The following WDR86 variants were observed in gnomAD, a reference collection of about 807,000 sequenced individuals.
WDR86 encodes the protein WD repeat-containing protein 86.
WDR86 carries 30 observed loss-of-function variants against 36.5 expected under a neutral mutation model. The observed-to-expected ratio is 0.82, with a 90% confidence interval of 0.61 to 1.11. The LOEUF is 1.11. Ranked by LOEUF, WDR86 falls within the 50% of genes most tolerant of loss-of-function variation. WDR86 has a pLI of 0.00. For synonymous variants in WDR86, 255 were observed against 252.9 expected (o/e 1.01, Z -0.08); for missense variants, 545 against 561.2 (o/e 0.97, Z 0.29).
the WDR86 span, among the ~76,000 whole-genome samples, chr7:151,369,541 G>A: frequency 6.6e-6 from 1 of 152,172 alleles, no homozygotes; most frequent in South Asian, 2.1e-4. Flanking sequence ...ATTATATTAT[G>A]AAAGCACAGG....
downstream of WDR86, among the ~76,000 whole-genome samples, chr7:151,380,500 CTG>C (rs990172737): frequency 2.6e-5 from 4 of 152,222 alleles, no homozygotes; most frequent in African/African-American, 7.2e-5. Context: ...ACGGCAGACA[CTG>C]TCACCTGCAG....
intron 2 of WDR86, among the ~76,000 whole-genome samples, chr7:151,397,543 C>T (rs1200680144): frequency 6.6e-6 from 1 of 152,014 alleles, no homozygotes; most frequent in African/African-American, 2.4e-5. Flanking sequence ...CCTGCCTCAG[C>T]CTCCCGAGTA....
the WDR86 span, among the ~76,000 whole-genome samples, chr7:151,369,897 C>T: frequency 1.9e-3 from 282 of 152,224 alleles, no homozygotes; most frequent in African/African-American, 6.5e-3. Context: ...AGGAAAGCCC[C>T]GTGGTTGTTT....
rs1800712042 is a variant in WDR86, at chr7:151,406,462, A to T, written c.163+2965T>A. 6.6e-6 allele frequency among the ~76,000 whole-genome samples: 1 copy of T among 152,144 alleles called. No individual in the cohort carries two copies. The highest frequency in any genetic ancestry group is 1.5e-5 in the Non-Finnish European group (1 of 68,008). ...GAGAAATCCAGGACCGGCCAACCAC[A>T]GGCTCTTGTGGGCCCAGAGCTGTGC... On this transcript the variant is annotated intron_variant, in intron 1 of 5. Coordinates refer to ENST00000334493, the MANE Select transcript of WDR86 (RefSeq NM_198285.3). The surrounding 1 kb of genome is among the most constrained non-coding windows in gnomAD (Gnocchi z 4.4).
In WDR86 at chr7:151,390,837, C is replaced by T. The variant is rs1047257354; in HGVS notation, c.726+4939G>A. Among the ~76,000 whole-genome samples, 5 of 152,202 alleles carry T rather than the reference C, an allele frequency of 3.3e-5. No homozygotes were observed. The highest frequency in any genetic ancestry group is 6.5e-5 in the Admixed American group (1 of 15,284). ...CTCCACTCATGTGAGGACCCAGAGT[C>T]ATCAAATTCAGAGACACAAAGCAGA... On this transcript the variant is annotated intron_variant, in intron 3 of 5. Coordinates refer to ENST00000334493, the MANE Select transcript of WDR86 (RefSeq NM_198285.3). This position sits in a 1 kb window ranked among gnomAD's most constrained non-coding sequence, Gnocchi z 4.5.
At chr7:151,402,091 A>ATATC (rs1365492180) in intron 1 of WDR86, among the ~76,000 whole-genome samples, 2 of 124,198 alleles carry the variant, frequency 1.6e-5, no homozygotes, top group African/African-American at 6.5e-5. Flanking sequence ...ATATATATAT[A>ATATC]TCTCCACAAA....
chr7:151,385,060 A>G lies in WDR86; in HGVS notation c.862+28T>C, dbSNP rs116467118. 3.6e-3 allele frequency: 5,562 copies of G among 1,565,022 alleles called. 184 individuals are homozygous for G. In the African/African-American group the frequency reaches 0.068, roughly 19 times the overall value. ...AGAGGAGAAGCCAGGCTGGGGTGGCACAGGTCGTGCAGGGCCAAGTCACTT... is the reference window on the plus strand; with the variant it reads ...AGAGGAGAAGCCAGGCTGGGGTGGCGCAGGTCGTGCAGGGCCAAGTCACTT... On this transcript the variant is annotated intron_variant, in intron 4 of 5. Transcript: ENST00000334493.
At chr7:151,393,862 G>A (rs1799615918) in intron 3 of WDR86, among the ~76,000 whole-genome samples, 2 of 152,166 alleles carry the variant, frequency 1.3e-5, no homozygotes. Flanking sequence ...GACAAGTAAG[G>A]ACACGGAGGG....
Position 151,394,322 on chromosome 7 carries a change from G to A in WDR86, c.726+1454C>T, listed in dbSNP as rs576868856. Among the ~76,000 whole-genome samples, 64 of 152,284 alleles carry A rather than the reference G, an allele frequency of 4.2e-4. 1 individual carries two copies. Among genetic ancestry groups the A allele is most frequent in the Non-Finnish European group, 6.3e-4 (43 of 68,014 alleles). On this transcript the variant is annotated intron_variant, in intron 3 of 5. Transcript: ENST00000334493. ...CCTGCTCCCCTGGTCTTGGAGCCCC[G>A]GGGCCGCCTCTACCCCTACAACCCC...
chr7:151,401,420 CCCT>C lies in WDR86; in HGVS notation c.164-1182_164-1180del, dbSNP rs1379895560. On this transcript the variant is annotated intron_variant, in intron 1 of 5. Coordinates refer to ENST00000334493, the MANE Select transcript of WDR86 (RefSeq NM_198285.3). The surrounding 1 kb of genome is among the most constrained non-coding windows in gnomAD (Gnocchi z 4.3). ...TCTTGCCTTCCTCCCTCCTCTCCTTCCCTCCTCATTTCTTTATCATCTCCTTTT... is the reference window on the plus strand; with the variant it reads ...TCTTGCCTTCCTCCCTCCTCTCCTTCCCTCATTTCTTTATCATCTCCTTTT... Among the ~76,000 whole-genome samples the C allele has an allele frequency of 5.3e-5, 8 of 152,210 alleles. No homozygotes were observed. The highest frequency in any genetic ancestry group is 4.1e-4 in the South Asian group (2 of 4,830).
At chr7:151,380,589 C>A (rs913621996), downstream of WDR86, among the ~76,000 whole-genome samples, 1 of 152,104 alleles carries the variant, frequency 6.6e-6, no homozygotes, top group Non-Finnish European at 1.5e-5. Flanking sequence ...AAGAGCACCC[C>A]GCTCAGGTGC....
At chr7:151,400,722 G>A (rs560950229) in intron 1 of WDR86, among the ~76,000 whole-genome samples, 10 of 152,336 alleles carry the variant, frequency 6.6e-5, no homozygotes, top group African/African-American at 2.4e-4. Context: ...CAGTCTGAGT[G>A]ATTCTCAGAA....
downstream of WDR86, among the ~76,000 whole-genome samples, chr7:151,371,845 A>G (rs192334436): frequency 1.4e-4 from 21 of 152,232 alleles, no homozygotes; most frequent in African/African-American, 2.4e-4. Flanking sequence ...CCGGGCTCCA[A>G]TGATCCTCCT....
Position 151,397,787 on chromosome 7 carries a change from C to T in WDR86, c.306-1591G>A, listed in dbSNP as rs1003699523. Among the ~76,000 whole-genome samples the T allele has an allele frequency of 1.5e-3, 71 of 46,012 alleles. 1 individual carries two copies. The highest frequency in any genetic ancestry group is 2.6e-3 in the African/African-American group (35 of 13,244). The allele number at this position is 46,012 out of a possible 152,430, so 30.2% of individuals were successfully genotyped here. A position where few individuals can be genotyped will look rare whatever the true frequency, so the allele number is the denominator to read the frequency against. ...GAAGAGGGCGTAGCAGGAGGAAGGGCATAGCGGGAGGAAGGGCATAGCGGG... is the reference window on the plus strand; with the variant it reads ...GAAGAGGGCGTAGCAGGAGGAAGGGTATAGCGGGAGGAAGGGCATAGCGGG... On this transcript the variant is annotated intron_variant, in intron 2 of 5. Coordinates refer to ENST00000334493, the MANE Select transcript of WDR86 (RefSeq NM_198285.3).
downstream of WDR86, among the ~76,000 whole-genome samples, chr7:151,375,655 T>C (rs1452959964): frequency 6.6e-6 from 1 of 152,240 alleles, no homozygotes; most frequent in Non-Finnish European, 1.5e-5. Context: ...GTCTTGCTCC[T>C]CCTTCAAACC....
downstream of WDR86, chr7:151,374,300 G>T: frequency 2.6e-6 from 4 of 1,539,656 alleles, no homozygotes; most frequent in Non-Finnish European, 3.5e-6. Context: ...CCTGCCCAGA[G>T]CTCCCTCCAT....
chr7:151,381,637 G>C lies in WDR86; in HGVS notation c.1076C>G (p.Ser359Trp). Residue 359 changes from serine (S) to tryptophan (W), a missense_variant, in exon 6 of 6, where the codon TCG (serine) becomes TGG (tryptophan). Physicochemically the swap from Ser to Trp is radical, Grantham distance 177. Transcript: ENST00000334493. This position sits in a 1 kb window ranked among gnomAD's most constrained non-coding sequence, Gnocchi z 4.8. ...GCCCACCTTGTTGCTGAAGAGCCGC[G>C]AGAGGCTGCGCATGGGCGGAGGGGG... Reference protein sequence around the residue: ...PRPPPPMRSLSRLFSNKVGCA... With the variant: ...PRPPPPMRSLWRLFSNKVGCA... 7.2e-7 allele frequency: 1 copy of C among 1,388,182 alleles called. No individual in the cohort carries two copies. 86.0% of individuals were successfully genotyped at this position (1,388,182 alleles called of 1,614,324 possible).
downstream of WDR86, chr7:151,376,528 G>A (rs1051561977): frequency 2.8e-5 from 31 of 1,089,506 alleles, 1 homozygote; most frequent in East Asian, 2.4e-4. Context: ...TGGTGCACAC[G>A]CCGGGAGCTC....
chr7:151,385,192 G>C lies in WDR86; in HGVS notation c.758C>G (p.Ala253Gly). 1 of 1,612,836 alleles carries C rather than the reference G, an allele frequency of 6.2e-7. No individual in the cohort carries two copies. Among genetic ancestry groups the C allele is most frequent in the African/African-American group, 1.3e-5 (1 of 75,062 alleles). ...CAGCCAGCACTTGACGGTCCTGTCC[G>C]CGCTGCCAGAGTACACGAGTCGGTT... ...LVNRLVYSGS[A>G]DRTVKCWLAD... The change falls in exon 4 of 6, where the codon GCG becomes GGG. Residue 253 changes from alanine to glycine, a missense_variant. Coordinates refer to ENST00000334493, the MANE Select transcript of WDR86 (RefSeq NM_198285.3).
Sources: gnomAD v4.1 joint callset for allele counts (sites outside exome capture counted in the v4.1 genomes callset) on GRCh38, gnomAD v4.1.1 for gene constraint, Gnocchi (gnomAD v3.1) non-coding constraint, MANE v1.5 for transcripts, NCBI Gene and HGNC (gene_info 2026-07-23, HGNC 2026-07-21) for gene names.